ADAMTS17: variants seen among roughly 807,000 people sequenced by gnomAD.
ADAMTS17 encodes A disintegrin and metalloproteinase with thrombospondin motifs 17.
In ADAMTS17, 113 loss-of-function variants were observed where a neutral mutation model predicts 141.5. That is an observed-to-expected ratio of 0.80 (90% CI 0.69 to 0.93). ADAMTS17 has a LOEUF of 0.93. Ranked by LOEUF, ADAMTS17 falls within the 40% of genes least tolerant of loss-of-function variation. ADAMTS17 has a pLI of 0.00. For synonymous variants in ADAMTS17, 768 were observed against 630.6 expected (o/e 1.22, Z -3.27); for missense variants, 1,659 against 1,517.9 (o/e 1.09, Z -1.54).
intron 12 of ADAMTS17, among the ~76,000 whole-genome samples, chr15:100,130,752 G>A (rs540546950): frequency 6.6e-6 from 1 of 152,302 alleles, no homozygotes; most frequent in Admixed American, 6.5e-5. Context: ...TTTAGAACTT[G>A]CTCGTTTTCA....
In ADAMTS17 at chr15:100,220,671, C is replaced by A. The variant is rs1040322620; in HGVS notation, c.1076-21248G>T. ...GGTGATGAAAGATGTGAGATCACAG[C>A]CCACTTCCTCCTCCCCGAGCCCCTG... On this transcript the variant is annotated intron_variant, in intron 7 of 21. Transcript: ENST00000268070. Among the ~76,000 whole-genome samples, 7 of 152,226 alleles carry A rather than the reference C, an allele frequency of 4.6e-5. No homozygotes were observed. In the East Asian group the frequency reaches 1.4e-3, roughly 29 times the overall value.
At chr15:100,117,943 T>G (rs1173824378) in intron 12 of ADAMTS17, among the ~76,000 whole-genome samples, 1 of 152,242 alleles carries the variant, frequency 6.6e-6, no homozygotes, top group East Asian at 1.9e-4. Flanking sequence ...TGGCCAAATG[T>G]CATCTGGACA....
chr15:100,195,656 C>CAA (rs34161657), intron 8 of ADAMTS17, among the ~76,000 whole-genome samples: 24,981 of 137,324 alleles, frequency 0.18, 2,373 homozygotes, highest in East Asian at 0.24. Flanking sequence ...AATCTCATCT[C>CAA]AAAAAAAAAA....
At position 100,292,302 on chromosome 15, in the gene ADAMTS17, G is replaced by A. The variant is rs547322464; in HGVS notation, c.617-10901C>T. On this transcript the variant is annotated intron_variant, in intron 3 of 21. Transcript: ENST00000268070. Reference sequence around the variant, plus strand: ...AGAATCTACGAGAGACACTCAGCCCGTGTGAAACTACGAGAGACACTCAGC... The same window carrying A: ...AGAATCTACGAGAGACACTCAGCCCATGTGAAACTACGAGAGACACTCAGC... Among the ~76,000 whole-genome samples, 8 of 151,288 alleles carry A rather than the reference G, an allele frequency of 5.3e-5. No homozygotes were observed. The South Asian group carries it at 8.3e-4, about 16-fold the overall frequency.
At chr15:100,270,171 GCTCTGGAGCCATTTCTTCTGTGA>G (rs55997714) in intron 4 of ADAMTS17, among the ~76,000 whole-genome samples, 9,628 of 129,186 alleles carry the variant, frequency 0.075, 352 homozygotes, top group Non-Finnish European at 0.1. Flanking sequence ...TTCTTCTGTG[GCTCTGGAGCCATTTCTTCTGTGA>G]CTCTGGAGCC....
At chr15:100,194,770 G>A (rs1596243971) in intron 8 of ADAMTS17, among the ~76,000 whole-genome samples, 1 of 152,302 alleles carries the variant, frequency 6.6e-6, no homozygotes, top group East Asian at 1.9e-4. Context: ...TTTCTTGAAG[G>A]AGAAAACCCT....
chr15:100,063,852 C>G, intron 15 of ADAMTS17: 1 of 863,510 alleles, frequency 1.2e-6, no homozygotes. Flanking sequence ...CTACCAAGCC[C>G]CCCACAGTGG....
chr15:100,325,960 C>T (rs539972213), intron 3 of ADAMTS17, among the ~76,000 whole-genome samples: 1 of 152,252 alleles, frequency 6.6e-6, no homozygotes, highest in Admixed American at 6.5e-5. Context: ...CACTTTTGGC[C>T]TCCAGAACTA....
intron 8 of ADAMTS17, among the ~76,000 whole-genome samples, chr15:100,193,479 C>T (rs759653493): frequency 3.4e-4 from 51 of 152,206 alleles, no homozygotes; most frequent in East Asian, 7.7e-4. Context: ...GGAGGCATGG[C>T]GGAAAGAGAT....
intron 15 of ADAMTS17, among the ~76,000 whole-genome samples, chr15:100,085,003 G>A (rs1012458660): frequency 2.0e-5 from 3 of 152,174 alleles, no homozygotes; most frequent in African/African-American, 7.2e-5. Flanking sequence ...GAATGACTTT[G>A]ATGAGCTGAC....
chr15:100,106,290 A>G (rs1246361243), intron 14 of ADAMTS17, among the ~76,000 whole-genome samples: 2 of 152,192 alleles, frequency 1.3e-5, no homozygotes, highest in South Asian at 2.1e-4. Context: ...ACGTTGAGAA[A>G]TAAGTCTGTT....
At chr15:99,998,371 G>A (rs1364149931) in intron 18 of ADAMTS17, among the ~76,000 whole-genome samples, 1 of 152,196 alleles carries the variant, frequency 6.6e-6, no homozygotes, top group Admixed American at 6.5e-5. Context: ...GGGAGGCTGA[G>A]GCAGGTGGAT....
At chr15:100,332,367 C>T (rs983815285) in intron 2 of ADAMTS17, among the ~76,000 whole-genome samples, 8 of 152,218 alleles carry the variant, frequency 5.3e-5, no homozygotes, top group Admixed American at 1.3e-4. Flanking sequence ...GCAGAACACC[C>T]GAAAACTGCC....
In ADAMTS17 at chr15:100,261,500, T is replaced by A; in HGVS notation, c.1010A>T (p.Asp337Val). Reference protein sequence around the residue: ...PGGKDDPPLVDAAVFVTRTDF... With the variant: ...PGGKDDPPLVVAAVFVTRTDF... ...TTACCTGGTCACAAACACGGCAGCATCCACCAGGGGCGGGTCGTCCTTCCC... is the reference window on the plus strand; with the variant it reads ...TTACCTGGTCACAAACACGGCAGCAACCACCAGGGGCGGGTCGTCCTTCCC... The change falls in exon 6 of 22, where the codon GAT becomes GTT. Residue 337 changes from aspartate (D) to valine (V), a missense_variant. Asp to Val is a radical substitution (Grantham distance 152, BLOSUM62 -3). Transcript: ENST00000268070. The A allele has an allele frequency of 1.2e-6, 2 of 1,614,090 alleles. No homozygotes were observed. Among genetic ancestry groups the A allele is most frequent in the Non-Finnish European group, 1.7e-6 (2 of 1,180,040 alleles).
At chr15:100,133,449 A>G in intron 10 of ADAMTS17, 134 bp from the exon 11 acceptor site, 1 of 793,852 alleles carries the variant, frequency 1.3e-6, no homozygotes, top group South Asian at 1.5e-5. Flanking sequence ...GAGGGTCATA[A>G]GTCTGTATGT....
intron 15 of ADAMTS17, chr15:100,063,570 G>A (rs899779765): frequency 5.0e-6 from 5 of 1,002,730 alleles, no homozygotes; most frequent in African/African-American, 3.3e-5. Flanking sequence ...CAACACAGGC[G>A]TGAAACCAGC....
At chr15:100,185,325 ACC>A (rs1267749193) in intron 8 of ADAMTS17, among the ~76,000 whole-genome samples, 2 of 151,586 alleles carry the variant, frequency 1.3e-5, no homozygotes, top group African/African-American at 4.9e-5. Flanking sequence ...TGTGAGATCT[ACC>A]ACTGCTCAAC....
chr15:100,052,100 T>A (rs2032194468), intron 16 of ADAMTS17, among the ~76,000 whole-genome samples: 1 of 152,266 alleles, frequency 6.6e-6, no homozygotes, highest in Admixed American at 6.5e-5. Context: ...CCCACAAAGC[T>A]GCCCTTGCAG....
chr15:100,012,952 T>G (rs530088365), intron 18 of ADAMTS17, among the ~76,000 whole-genome samples: 3 of 152,220 alleles, frequency 2.0e-5, no homozygotes, highest in Non-Finnish European at 4.4e-5. Context: ...GGGAATTGCA[T>G]TGAATTTGTA....
Sources: gnomAD v4.1 joint callset for allele counts (sites outside exome capture counted in the v4.1 genomes callset) on GRCh38, gnomAD v4.1.1 for gene constraint, MANE v1.5 for transcripts, NCBI Gene and HGNC (gene_info 2026-07-23, HGNC 2026-07-21) for gene names.